KAT6B: variants seen among roughly 807,000 people sequenced by gnomAD.
The protein encoded by KAT6B is histone acetyltransferase KAT6B.
Under a neutral mutation model 187.5 loss-of-function variants are expected in KAT6B, and 10 were observed. That is an observed-to-expected ratio of 0.05 (90% confidence interval 0.03 to 0.09). KAT6B has a LOEUF of 0.09. Among genes scored for constraint, KAT6B ranks in the 10% least tolerant of loss-of-function variants. The pLI is 1.00. For synonymous variants in KAT6B, 861 were observed against 926.8 expected (o/e 0.93, Z 1.29); for missense variants, 1,952 against 2,558.9 (o/e 0.76, Z 5.12).
intron 3 of KAT6B, among the ~76,000 whole-genome samples, chr10:74,856,609 G>A (rs546874539): frequency 2.6e-5 from 4 of 152,146 alleles, no homozygotes; most frequent in Admixed American, 6.6e-5. Context: ...CAAGAATAGC[G>A]TGTGGGGGTC....
chr10:74,853,496 G>A (rs1370225741), intron 3 of KAT6B, among the ~76,000 whole-genome samples: 8 of 151,874 alleles, frequency 5.3e-5, no homozygotes, highest in Admixed American at 1.3e-4. Flanking sequence ...GTTTCGCCAC[G>A]TTGCCCAGGC....
chr10:74,840,851 T>C (rs1841694781), intron 2 of KAT6B, among the ~76,000 whole-genome samples: 1 of 152,178 alleles, frequency 6.6e-6, no homozygotes, highest in African/African-American at 2.4e-5. Context: ...GACCCAGCTG[T>C]TTTTCAGCAA....
chr10:75,006,543 A>G (rs1489448698), intron 13 of KAT6B, among the ~76,000 whole-genome samples: 1 of 152,068 alleles, frequency 6.6e-6, no homozygotes, highest in Non-Finnish European at 1.5e-5. Context: ...CTCACCTCCT[A>G]GACTCAAGAG....
chr10:74,827,915 C>A (rs1840391244), intron 1 of KAT6B, among the ~76,000 whole-genome samples: 1 of 152,094 alleles, frequency 6.6e-6, no homozygotes, highest in Non-Finnish European at 1.5e-5. Context: ...CCCACCTCTG[C>A]CTGACTGATG....
At chr10:74,905,389 T>A (rs149052170) in intron 3 of KAT6B, among the ~76,000 whole-genome samples, 87 of 152,254 alleles carry the variant, frequency 5.7e-4, no homozygotes, top group African/African-American at 2.0e-3. Context: ...TCCAGGCAGT[T>A]GTTGATTGAC....
chr10:74,885,069 A>G (rs919809408), intron 3 of KAT6B, among the ~76,000 whole-genome samples: 1 of 149,066 alleles, frequency 6.7e-6, no homozygotes, highest in African/African-American at 2.5e-5. Flanking sequence ...TAATTAATTA[A>G]TTTATTTATT....
chr10:74,863,133 C>A (rs1331383695), intron 3 of KAT6B, among the ~76,000 whole-genome samples: 1 of 152,184 alleles, frequency 6.6e-6, no homozygotes. Context: ...TACATTATCA[C>A]TGCAAATTTG....
In KAT6B at chr10:75,028,518, A is replaced by G. The variant is rs762337174; in HGVS notation, c.3694A>G (p.Lys1232Glu). Reference sequence around the variant, plus strand: ...TATGAATGATGATTCAAGTAACTTGAAAGAAGGCAGTAAAGACAATCCCGA... The same window carrying G: ...TATGAATGATGATTCAAGTAACTTGGAAGAAGGCAGTAAAGACAATCCCGA... ...NNMNDDSSNL[K>E]EGSKDNPEPL... The change falls in exon 18 of 18, where the codon AAA becomes GAA. Residue 1232 changes from lysine (K) to glutamate (E), a missense_variant. Around this residue, in one of 9 missense-constraint regions of KAT6B, gnomAD observed 758 missense variants for 891.4 expected, o/e 0.85. Coordinates refer to ENST00000287239, the MANE Select transcript of KAT6B (RefSeq NM_012330.4). 1.2e-6 allele frequency: 2 copies of G among 1,614,196 alleles called. No homozygotes were observed. The highest frequency in any genetic ancestry group is 1.7e-6 in the Non-Finnish European group (2 of 1,180,038).
intron 9 of KAT6B, among the ~76,000 whole-genome samples, chr10:74,978,095 T>C (rs1842276311): frequency 6.6e-6 from 1 of 152,206 alleles, no homozygotes; most frequent in Non-Finnish European, 1.5e-5. Flanking sequence ...TCAGGTAGAC[T>C]CCCTACCCAA....
chr10:74,933,308 C>G (rs1849013221), intron 3 of KAT6B, among the ~76,000 whole-genome samples: 1 of 152,132 alleles, frequency 6.6e-6, no homozygotes, highest in Non-Finnish European at 1.5e-5. Flanking sequence ...AGTTTTGGTG[C>G]AGTTAGGGTT....
chr10:74,847,629 A>G (rs1259614980), intron 3 of KAT6B, among the ~76,000 whole-genome samples: 4 of 152,094 alleles, frequency 2.6e-5, no homozygotes, highest in African/African-American at 9.7e-5. Flanking sequence ...GCGCCATTGC[A>G]TTCCAGCCTG....
chr10:74,864,808 G>C (rs1420756655), intron 3 of KAT6B, among the ~76,000 whole-genome samples: 1 of 152,334 alleles, frequency 6.6e-6, no homozygotes, highest in East Asian at 1.9e-4. Context: ...CATTGGCCCT[G>C]TGTGTTCTTC....
intron 1 of KAT6B, among the ~76,000 whole-genome samples, chr10:74,830,573 CTCTTCTAAAG>C (rs1840676900): frequency 6.6e-6 from 1 of 151,118 alleles, no homozygotes; most frequent in South Asian, 2.1e-4. Context: ...AAGTACCAAA[CTCTTCTAAAG>C]TATTGTACCA....
intron 3 of KAT6B, among the ~76,000 whole-genome samples, chr10:74,953,802 A>G (rs373108090): frequency 6.6e-6 from 1 of 152,306 alleles, no homozygotes; most frequent in South Asian, 2.1e-4. Context: ...TTGTGCAGGA[A>G]TTTTCATTTA....
chr10:75,011,922 A>G (rs1844635006), intron 13 of KAT6B, among the ~76,000 whole-genome samples: 1 of 152,154 alleles, frequency 6.6e-6, no homozygotes, highest in African/African-American at 2.4e-5. Context: ...CACTGCTACC[A>G]CTATAGCCCT....
At chr10:74,868,145 CT>C in intron 3 of KAT6B, among the ~76,000 whole-genome samples, 1 of 152,252 alleles carries the variant, frequency 6.6e-6, no homozygotes, top group South Asian at 2.1e-4. Context: ...AAAAAGCATT[CT>C]TTTTTATCAT....
At chr10:74,898,008 A>G (rs1846106557) in intron 3 of KAT6B, among the ~76,000 whole-genome samples, 6 of 152,214 alleles carry the variant, frequency 3.9e-5, no homozygotes, top group Admixed American at 3.9e-4. Flanking sequence ...TATTTTGTTC[A>G]GCAAAACACC....
At chr10:74,918,890 C>A (rs7097121) in intron 3 of KAT6B, among the ~76,000 whole-genome samples, 41,911 of 152,044 alleles carry the variant, frequency 0.28, 11,108 homozygotes, top group African/African-American at 0.69. Flanking sequence ...TTGTCAATCT[C>A]AGGTAATTGT....
upstream of KAT6B, among the ~76,000 whole-genome samples, chr10:74,825,868 TG>T (rs996945059): frequency 0.014 from 353 of 25,800 alleles, no homozygotes; most frequent in African/African-American, 0.048. The surrounding 1 kb of genome is among the most constrained non-coding windows in gnomAD (Gnocchi z 5.0). Context: ...AGGGGTGTGT[TG>T]GGGGGGGAAG....
Sources: gnomAD v4.1 joint callset for allele counts (sites outside exome capture counted in the v4.1 genomes callset) on GRCh38, gnomAD v4.1.1 for gene constraint, gnomAD v4.1.1 regional missense constraint, Gnocchi (gnomAD v3.1) non-coding constraint, MANE v1.5 for transcripts, NCBI Gene and HGNC (gene_info 2026-07-23, HGNC 2026-07-21) for gene names.